The following SLC25A24 variants were observed in gnomAD, a reference collection of about 807,000 sequenced individuals.
The protein encoded by SLC25A24 is solute carrier family 25 member 24.
Under a neutral mutation model 60.7 loss-of-function variants are expected in SLC25A24, and 49 were observed. The observed-to-expected ratio is 0.81, with a 90% CI of 0.64 to 1.02. SLC25A24 has a LOEUF of 1.02. Ranked by LOEUF, SLC25A24 falls within the 50% of genes least tolerant of loss-of-function variation. SLC25A24 has a pLI of 0.00. For synonymous variants in SLC25A24, 202 were observed against 200.6 expected (o/e 1.01, Z -0.06); for missense variants, 564 against 586.3 (o/e 0.96, Z 0.39).
chr1:108,145,834 G>A (rs1378304898), intron 7 of SLC25A24, among the ~76,000 whole-genome samples: 1 of 152,122 alleles, frequency 6.6e-6, no homozygotes, highest in Non-Finnish European at 1.5e-5. Flanking sequence ...GTCAGGTAGC[G>A]TGATGCCTCC....
At chr1:108,157,942 G>A (rs976363991) in intron 4 of SLC25A24, among the ~76,000 whole-genome samples, 9 of 152,264 alleles carry the variant, frequency 5.9e-5, no homozygotes, top group African/African-American at 1.9e-4. Context: ...TTTTATCATA[G>A]TCAATCTTTT....
At chr1:108,157,696 A>T in intron 4 of SLC25A24, 76 bp from the exon 5 acceptor site, 1 of 1,484,706 alleles carries the variant, frequency 6.7e-7, no homozygotes, top group Non-Finnish European at 9.2e-7. Flanking sequence ...TTAGAGAAGA[A>T]TCATGTTATT....
intron 4 of SLC25A24, 135 bp from the exon 5 acceptor site, chr1:108,157,755 T>G: frequency 1.1e-6 from 1 of 900,684 alleles, no homozygotes; most frequent in Non-Finnish European, 1.7e-6. Flanking sequence ...TAAACCAATT[T>G]GAGTACATAG....
chr1:108,181,741 C>T (rs1347886526), intron 3 of SLC25A24, among the ~76,000 whole-genome samples, 200 bp downstream of exon 3: 2 of 152,130 alleles, frequency 1.3e-5, no homozygotes, highest in Non-Finnish European at 2.9e-5. Context: ...AGAAAGAGTC[C>T]AGTCTGAGCT....
intron 1 of SLC25A24, among the ~76,000 whole-genome samples, chr1:108,196,653 C>T (rs947271419): frequency 2.0e-5 from 3 of 152,196 alleles, no homozygotes; most frequent in Admixed American, 6.5e-5. Context: ...AGTCCTAGAT[C>T]GAAGTGCTAG....
intron 1 of SLC25A24, among the ~76,000 whole-genome samples, chr1:108,197,295 A>G (rs1648524579): frequency 6.6e-6 from 1 of 152,232 alleles, no homozygotes; most frequent in South Asian, 2.1e-4. Flanking sequence ...AGAAACTTAA[A>G]CAGAAATTTG....
chr1:108,160,205 C>T (rs1680026722), intron 4 of SLC25A24, among the ~76,000 whole-genome samples: 1 of 150,394 alleles, frequency 6.6e-6, no homozygotes, highest in Non-Finnish European at 1.5e-5. Flanking sequence ...TCAGACGGGG[C>T]GGCCGAGCAG....
intron 1 of SLC25A24, among the ~76,000 whole-genome samples, chr1:108,196,971 C>T (rs1648517663): frequency 6.6e-6 from 1 of 152,208 alleles, no homozygotes; most frequent in Non-Finnish European, 1.5e-5. Context: ...CTACATTCTA[C>T]TCTCAGTCTA....
At chr1:108,139,037 G>A in intron 9 of SLC25A24, 21 bp downstream of exon 9, 1 of 1,556,890 alleles carries the variant, frequency 6.4e-7, no homozygotes, top group Non-Finnish European at 8.7e-7. Flanking sequence ...TATCGGTGTG[G>A]TTCTGTAATC....
intron 2 of SLC25A24, among the ~76,000 whole-genome samples, chr1:108,182,886 T>C (rs1354114078): frequency 2.6e-5 from 4 of 151,674 alleles, no homozygotes; most frequent in African/African-American, 9.7e-5. Flanking sequence ...GGAGCAAGGA[T>C]AAAAGAACAA....
intron 3 of SLC25A24, among the ~76,000 whole-genome samples, chr1:108,161,778 G>C (rs1680091403): frequency 6.6e-6 from 1 of 152,042 alleles, no homozygotes; most frequent in Non-Finnish European, 1.5e-5. Context: ...CAAACTGTCA[G>C]TGACTGTGCC....
chr1:108,189,853 G>GT (rs1359643491), intron 1 of SLC25A24, among the ~76,000 whole-genome samples: 1 of 133,706 alleles, frequency 7.5e-6, no homozygotes, highest in Non-Finnish European at 1.6e-5. Context: ...TAAAGATAAA[G>GT]TAAAAAAAAA....
intron 5 of SLC25A24, among the ~76,000 whole-genome samples, chr1:108,155,384 CAAGAA>C (rs1312183603): frequency 1.3e-5 from 2 of 151,606 alleles, no homozygotes; most frequent in African/African-American, 4.8e-5. Flanking sequence ...AGAGAGAAGA[CAAGAA>C]GAGTATTAAA....
At chr1:108,173,275 G>A (rs1647544002) in intron 3 of SLC25A24, among the ~76,000 whole-genome samples, 1 of 152,134 alleles carries the variant, frequency 6.6e-6, no homozygotes, top group African/African-American at 2.4e-5. Flanking sequence ...GGAGGTAATT[G>A]AATTATGGGG....
chr1:108,190,071 A>G (rs563998856), intron 1 of SLC25A24, among the ~76,000 whole-genome samples: 2 of 152,214 alleles, frequency 1.3e-5, no homozygotes, highest in South Asian at 4.2e-4. Context: ...AAATGAGAAA[A>G]GTAAAATCTA....
intron 3 of SLC25A24, 128 bp from the exon 4 acceptor site, chr1:108,161,421 C>A (rs1157584111): frequency 4.8e-6 from 3 of 623,992 alleles, no homozygotes; most frequent in South Asian, 1.9e-5. Context: ...AAAACCCCAT[C>A]CACAAATATA....
At chr1:108,143,310 T>G (rs930864013) in intron 8 of SLC25A24, among the ~76,000 whole-genome samples, 4 of 152,192 alleles carry the variant, frequency 2.6e-5, no homozygotes, top group Non-Finnish European at 5.9e-5. Context: ...TGAACAACTA[T>G]ACCTAACTTT....
intron 3 of SLC25A24, among the ~76,000 whole-genome samples, chr1:108,166,239 T>C (rs1680248993): frequency 1.3e-5 from 2 of 152,116 alleles, no homozygotes; most frequent in Admixed American, 1.3e-4. Flanking sequence ...TTTTCCTTCA[T>C]TTCAACTTTG....
rs141474167 is a variant in SLC25A24, at chr1:108,156,262, G to A, written c.670-1127C>T. Among the ~76,000 whole-genome samples, 284 of 152,290 alleles carry A rather than the reference G, an allele frequency of 1.9e-3. 6 individuals are homozygous for A. The East Asian group carries it at 0.051, about 27-fold the overall frequency. On this transcript the variant is annotated intron_variant, in intron 5 of 9. Coordinates refer to ENST00000565488, the MANE Select transcript of SLC25A24 (RefSeq NM_013386.5). Reference sequence around the variant, plus strand: ...TAACCAGGGGTAATAAGCTTTCAGTGAGTTATGTGAGTCTTTCTAGAGAAG... The same window carrying A: ...TAACCAGGGGTAATAAGCTTTCAGTAAGTTATGTGAGTCTTTCTAGAGAAG...
Sources: gnomAD v4.1 joint callset for allele counts (sites outside exome capture counted in the v4.1 genomes callset) on GRCh38, gnomAD v4.1.1 for gene constraint, MANE v1.5 for transcripts, NCBI Gene and HGNC (gene_info 2026-07-23, HGNC 2026-07-21) for gene names.